CDH18: variants seen among roughly 807,000 people sequenced by gnomAD.
CDH18 encodes cadherin-18.
CDH18 carries 31 observed loss-of-function variants against 67.9 expected under a neutral mutation model. The observed-to-expected ratio is 0.46, with a 90% CI of 0.34 to 0.62. CDH18 has a LOEUF of 0.62. Among genes scored for constraint, CDH18 ranks in the 20% least tolerant of loss-of-function variants. CDH18 has a pLI of 0.01. For missense variants in CDH18, 890 were observed against 975.5 expected (o/e 0.91, Z 1.17); for synonymous variants, 362 against 347.2 (o/e 1.04, Z -0.48).
rs199625853 is a variant in CDH18 at position 20,078,584 on chromosome 5, G to GT, written c.-517-86571dup. Reference sequence around the variant, plus strand: ...AGAGAAAACTTAAGTCTGACATTTTGTTTTTTTTGGTATAATTTTATTTAT... The same window carrying GT: ...AGAGAAAACTTAAGTCTGACATTTTGTTTTTTTTTGGTATAATTTTATTTAT... On this transcript the variant is annotated intron_variant, in intron 2 of 14. Coordinates refer to the CDH18 transcript ENST00000507958. Among the ~76,000 whole-genome samples, 3,319 of 151,646 alleles carry GT rather than the reference G, an allele frequency of 0.022. 225 individuals are homozygous for GT. The East Asian group carries it at 0.27, about 13-fold the overall frequency.
At chr5:19,870,522 T>C (rs1786140264) in intron 2 of CDH18, among the ~76,000 whole-genome samples, 1 of 152,130 alleles carries the variant, frequency 6.6e-6, no homozygotes, top group African/African-American at 2.4e-5. Flanking sequence ...ATCTATAGAG[T>C]ATCCTTATGT....
At chr5:19,967,095 G>T (rs1797519584) in intron 2 of CDH18, among the ~76,000 whole-genome samples, 1 of 151,270 alleles carries the variant, frequency 6.6e-6, no homozygotes, top group Non-Finnish European at 1.5e-5. Flanking sequence ...AGGTTTAAAA[G>T]AAAAAAATGT....
At chr5:19,696,072 G>A (rs533929974) in intron 5 of CDH18, among the ~76,000 whole-genome samples, 1 of 152,160 alleles carries the variant, frequency 6.6e-6, no homozygotes, top group South Asian at 2.1e-4. Flanking sequence ...TTGATTGATG[G>A]TTAAAATATA....
intron 1 of CDH18, among the ~76,000 whole-genome samples, chr5:20,333,916 A>T (rs2150030426): frequency 6.6e-6 from 1 of 152,212 alleles, no homozygotes; most frequent in Non-Finnish European, 1.5e-5. Context: ...TATTCCTATC[A>T]TAAGTAACTA....
intron 3 of CDH18, among the ~76,000 whole-genome samples, chr5:19,767,407 T>TGAAGGAAATAAGC (rs1490278161): frequency 2.6e-5 from 4 of 152,030 alleles, no homozygotes; most frequent in Non-Finnish European, 5.9e-5. Context: ...GAAAACGTCA[T>TGAAGGAAATAAGC]GAAGGAAATA....
chr5:20,163,163 G>T (rs1053824833), intron 2 of CDH18, among the ~76,000 whole-genome samples: 3 of 151,840 alleles, frequency 2.0e-5, no homozygotes, highest in African/African-American at 7.3e-5. Flanking sequence ...TATTTCTTGA[G>T]GTATTTTAAA....
chr5:19,548,447 A>G (rs766207572), intron 8 of CDH18, among the ~76,000 whole-genome samples: 2 of 152,142 alleles, frequency 1.3e-5, no homozygotes, highest in Non-Finnish European at 2.9e-5. Flanking sequence ...GAGTATTGCC[A>G]TATGTGTGAG....
At chr5:20,297,200 G>A (rs1747609305) in intron 1 of CDH18, among the ~76,000 whole-genome samples, 1 of 152,128 alleles carries the variant, frequency 6.6e-6, no homozygotes, top group Non-Finnish European at 1.5e-5. Flanking sequence ...TGATCCTATA[G>A]GTTTTTCCCC....
intron 2 of CDH18, among the ~76,000 whole-genome samples, chr5:20,168,032 G>A (rs755692701): frequency 1.3e-5 from 2 of 152,114 alleles, no homozygotes; most frequent in Non-Finnish European, 2.9e-5. Context: ...ATGACTAAAT[G>A]GCTGAATAAT....
rs61637134 is a variant in CDH18, at chr5:19,849,715, CAT to C, written c.-256-10475_-256-10474del. On this transcript the variant is annotated intron_variant, in intron 2 of 12. Transcript: ENST00000382275. ...ATATATACACGCATATATATATAAA[CAT>C]ATATATATACACGCATATATATAAA... 9.1e-3 allele frequency among the ~76,000 whole-genome samples: 134 copies of C among 14,788 alleles called. 11 individuals carry two copies. The highest frequency in any genetic ancestry group is 0.042 in the Middle Eastern group (1 of 24). The allele number at this position is 14,788 out of a possible 152,430, so 9.7% of individuals were successfully genotyped here.
intron 2 of CDH18, among the ~76,000 whole-genome samples, chr5:20,026,056 C>A (rs1240202954): frequency 1.3e-5 from 2 of 152,130 alleles, no homozygotes; most frequent in African/African-American, 4.8e-5. Context: ...TTTTTCTATT[C>A]TACGCTTGTC....
At chr5:19,763,563 G>A (rs545301649) in intron 3 of CDH18, among the ~76,000 whole-genome samples, 1 of 152,244 alleles carries the variant, frequency 6.6e-6, no homozygotes, top group East Asian at 1.9e-4. Context: ...TTTGTTGAAG[G>A]TCTCAGCAGA....
At chr5:19,846,200 A>G (rs1177203608) in intron 2 of CDH18, among the ~76,000 whole-genome samples, 3 of 151,944 alleles carry the variant, frequency 2.0e-5, no homozygotes, top group Admixed American at 1.3e-4. Context: ...TGTGCATACA[A>G]TGGGACTTAC....
chr5:20,189,267 T>C (rs541780232), intron 2 of CDH18, among the ~76,000 whole-genome samples: 1 of 152,202 alleles, frequency 6.6e-6, no homozygotes, highest in South Asian at 2.1e-4. Flanking sequence ...TATAGTCACT[T>C]TCCTGGTTTT....
At chr5:19,937,805 G>C (rs1360184115) in intron 2 of CDH18, among the ~76,000 whole-genome samples, 1 of 150,480 alleles carries the variant, frequency 6.6e-6, no homozygotes, top group East Asian at 1.9e-4. Flanking sequence ...TATATAGAGA[G>C]AGACATTTTT....
At chr5:20,119,699 C>T (rs1333776427) in intron 2 of CDH18, among the ~76,000 whole-genome samples, 1 of 152,132 alleles carries the variant, frequency 6.6e-6, no homozygotes, top group African/African-American at 2.4e-5. Flanking sequence ...ATACATCTAA[C>T]AAAGATTGTG....
chr5:20,435,988 T>C (rs73058791), intron 1 of CDH18, among the ~76,000 whole-genome samples: 202 of 152,148 alleles, frequency 1.3e-3, no homozygotes, highest in African/African-American at 4.7e-3. Context: ...CAAAGATTTT[T>C]GAAGTTAACT....
At chr5:20,428,102 CA>C (rs980668445) in intron 1 of CDH18, among the ~76,000 whole-genome samples, 3 of 150,810 alleles carry the variant, frequency 2.0e-5, no homozygotes, top group African/African-American at 5.0e-5. Flanking sequence ...CCTTTTCCCC[CA>C]CCCACCAACA....
intron 2 of CDH18, among the ~76,000 whole-genome samples, chr5:19,923,202 A>G (rs753447184): frequency 6.8e-4 from 103 of 152,164 alleles, no homozygotes; most frequent in Non-Finnish European, 9.1e-4. Flanking sequence ...TTTTCAAACT[A>G]TCTCAGCCCC....
Sources: gnomAD v4.1 joint callset for allele counts (sites outside exome capture counted in the v4.1 genomes callset) on GRCh38, gnomAD v4.1.1 for gene constraint, MANE v1.5 for transcripts, NCBI Gene and HGNC (gene_info 2026-07-23, HGNC 2026-07-21) for gene names.